The following RALGPS2 variants were observed in gnomAD, a reference collection of about 807,000 sequenced individuals.
The protein encoded by RALGPS2 is Ral GEF with PH domain and SH3 binding motif 2, also known as ras-specific guanine nucleotide-releasing factor RalGPS2.
RALGPS2 carries 43 observed loss-of-function variants against 86.8 expected under a neutral mutation model. The observed-to-expected ratio is 0.50, with a 90% CI of 0.39 to 0.64. The LOEUF is 0.64. RALGPS2 is among the 30% of genes least tolerant of loss of function. The pLI is 0.00. For missense variants in RALGPS2, 536 were observed against 694.6 expected (o/e 0.77, Z 2.57); for synonymous variants, 243 against 231.3 (o/e 1.05, Z -0.46).
intron 1 of RALGPS2, among the ~76,000 whole-genome samples, chr1:178,748,551 A>G (rs1422534568): frequency 6.6e-6 from 1 of 152,018 alleles, no homozygotes; most frequent in Non-Finnish European, 1.5e-5. Context: ...AATTATGCAG[A>G]GCAAAAGAAG....
chr1:178,890,496 G>A (rs1014672165), intron 14 of RALGPS2, among the ~76,000 whole-genome samples: 1 of 151,648 alleles, frequency 6.6e-6, no homozygotes, highest in Non-Finnish European at 1.5e-5. Context: ...TACTCAAGCG[G>A]GTCATTTAGA....
intron 1 of RALGPS2, among the ~76,000 whole-genome samples, chr1:178,759,283 A>G (rs1368174628): frequency 6.6e-6 from 1 of 152,094 alleles, no homozygotes; most frequent in Non-Finnish European, 1.5e-5. Context: ...CCATTCTTCT[A>G]TACATGGATA....
chr1:178,878,870 T>C, intron 9 of RALGPS2, 32 bp from the exon 10 acceptor site: 6 of 1,606,332 alleles, frequency 3.7e-6, no homozygotes, highest in Non-Finnish European at 4.2e-6. Flanking sequence ...AGATGTACTT[T>C]ATCAGATAAT....
chr1:178,807,811 C>T (rs565344204), intron 4 of RALGPS2, among the ~76,000 whole-genome samples: 3 of 152,280 alleles, frequency 2.0e-5, no homozygotes, highest in African/African-American at 7.2e-5. Flanking sequence ...CACCAGTATT[C>T]TGCCTGTGGA....
chr1:178,915,897 T>C (rs966539006), intron 19 of RALGPS2, among the ~76,000 whole-genome samples: 7 of 152,242 alleles, frequency 4.6e-5, no homozygotes, highest in African/African-American at 1.7e-4. Context: ...ATGTTTGTTA[T>C]AAAATTATTT....
At chr1:178,797,056 C>T (rs1046642850) in intron 4 of RALGPS2, among the ~76,000 whole-genome samples, 12 of 152,148 alleles carry the variant, frequency 7.9e-5, no homozygotes, top group Non-Finnish European at 1.5e-4. Context: ...GGCTTATTTA[C>T]ATAGTATACT....
At chr1:178,819,755 C>T (rs1281520714) in intron 6 of RALGPS2, among the ~76,000 whole-genome samples, 1 of 152,166 alleles carries the variant, frequency 6.6e-6, no homozygotes, top group Non-Finnish European at 1.5e-5. Context: ...GTCTAATTTA[C>T]CAGACTTCTG....
intron 1 of RALGPS2, among the ~76,000 whole-genome samples, chr1:178,755,244 T>A (rs1466858021): frequency 1.3e-5 from 2 of 152,232 alleles, no homozygotes; most frequent in Non-Finnish European, 2.9e-5. Flanking sequence ...TACCTGGGTA[T>A]ATTGTGTTAT....
chr1:178,839,480 C>T (rs984354792), intron 8 of RALGPS2, among the ~76,000 whole-genome samples: 3 of 152,128 alleles, frequency 2.0e-5, no homozygotes, highest in African/African-American at 4.8e-5. Flanking sequence ...TTTGTCACCA[C>T]CAGGCCTGCC....
At chr1:178,809,502 T>G (rs1295300486) in intron 5 of RALGPS2, among the ~76,000 whole-genome samples, 2 of 152,138 alleles carry the variant, frequency 1.3e-5, no homozygotes, top group African/African-American at 2.4e-5. Context: ...AATCCTTTAT[T>G]TTTCTTCCAA....
At chr1:178,878,855 G>T in intron 9 of RALGPS2, 47 bp from the exon 10 acceptor site, 1 of 1,594,346 alleles carries the variant, frequency 6.3e-7, no homozygotes, top group South Asian at 1.2e-5. Context: ...TTAAAGTTCT[G>T]GTTAAGATGT....
At chr1:178,906,911 A>G in intron 19 of RALGPS2, 44 bp downstream of exon 19, 1 of 1,559,542 alleles carries the variant, frequency 6.4e-7, no homozygotes. Flanking sequence ...TAATTTGGGA[A>G]CATATGTAAA....
chr1:178,892,050 A>T (rs1350693070), intron 14 of RALGPS2, among the ~76,000 whole-genome samples, 180 bp from the exon 15 acceptor site: 2 of 152,026 alleles, frequency 1.3e-5, no homozygotes, highest in African/African-American at 4.8e-5. Flanking sequence ...AGAAGAAAAA[A>T]TTTTTTGAAA....
intron 7 of RALGPS2, among the ~76,000 whole-genome samples, chr1:178,830,824 G>A (rs1323018750): frequency 1.3e-5 from 2 of 152,108 alleles, no homozygotes; most frequent in African/African-American, 4.8e-5. Flanking sequence ...GTGGGCGGAA[G>A]ATATGTGCAA....
intron 7 of RALGPS2, among the ~76,000 whole-genome samples, chr1:178,830,317 G>C (rs73039815): frequency 0.093 from 14,208 of 152,108 alleles, 1,441 homozygotes; most frequent in African/African-American, 0.25. Context: ...TAAGCACTTG[G>C]CCTAACAGAT....
At chr1:178,861,612 A>G (rs989679543) in intron 8 of RALGPS2, among the ~76,000 whole-genome samples, 1 of 152,228 alleles carries the variant, frequency 6.6e-6, no homozygotes, top group Non-Finnish European at 1.5e-5. Flanking sequence ...CAGGGATCAC[A>G]TAGAATACTC....
intron 1 of RALGPS2, among the ~76,000 whole-genome samples, chr1:178,750,908 A>G (rs776919575): frequency 2.0e-5 from 3 of 152,056 alleles, no homozygotes; most frequent in Non-Finnish European, 4.4e-5. Context: ...ACTAATAGCT[A>G]TGGATCCAGG....
chr1:178,887,269 A>G (rs1232900219), intron 13 of RALGPS2, among the ~76,000 whole-genome samples: 1 of 152,152 alleles, frequency 6.6e-6, no homozygotes, highest in Non-Finnish European at 1.5e-5. Context: ...CCTGGCCAAC[A>G]TGGCAAAACC....
intron 18 of RALGPS2, 90 bp from the exon 19 acceptor site, chr1:178,906,686 C>T: frequency 1.0e-6 from 1 of 962,958 alleles, no homozygotes; most frequent in Non-Finnish European, 1.6e-6. Flanking sequence ...AAACTCTAGT[C>T]ATGTTTAATT....
Sources: allele counts gnomAD v4.1 joint callset (sites outside exome capture counted in the v4.1 genomes callset), GRCh38; gene constraint gnomAD v4.1.1; transcripts MANE v1.5; gene names NCBI Gene and HGNC (gene_info 2026-07-23, HGNC 2026-07-21).